The following GALNT9 variants were observed in gnomAD, a reference collection of about 807,000 sequenced individuals.
The protein encoded by GALNT9 is polypeptide N-acetylgalactosaminyltransferase 9.
In GALNT9, 47 loss-of-function variants were observed where a neutral mutation model predicts 63.1. The ratio of observed to expected loss-of-function variants is 0.75; its 90% CI spans 0.59 to 0.95. The LOEUF (loss-of-function observed/expected upper bound fraction) is 0.95, where lower values mean the gene tolerates loss of function less well. Among genes scored for constraint, GALNT9 ranks in the 40% least tolerant of loss-of-function variants. GALNT9 has a pLI of 0.00. For synonymous variants in GALNT9, 396 were observed against 365.7 expected, an observed-to-expected ratio of 1.08 and a Z score of -0.94; for missense variants, 829 against 874.8, an observed-to-expected ratio of 0.95 and a Z score of 0.66.
chr12:132,207,464 G>A (rs1484140093), intron 6 of GALNT9, among the ~76,000 whole-genome samples: 3 of 152,226 alleles, frequency 2.0e-5, no homozygotes, highest in African/African-American at 7.2e-5. Context: ...CTGCTGGGCG[G>A]TCTGCGAGGC....
rs113646987 is a variant in GALNT9 at position 132,271,088 on chromosome 12, G to A, written c.420-8463C>T. Among the ~76,000 whole-genome samples, 15 of 152,284 alleles carry A rather than the reference G, an allele frequency of 9.9e-5. No homozygotes were observed. The East Asian group carries it at 1.2e-3, about 12-fold the overall frequency. On this transcript the variant is annotated intron_variant, in intron 2 of 10. Coordinates refer to ENST00000328957, the MANE Select transcript of GALNT9 (RefSeq NM_001122636.2). ...GCTGCTTCTCCATGACAGACGCTGC[G>A]CCCGTCACTCTGTGCCAGTCCCCCA...
chr12:132,199,151 T>G, intron 9 of GALNT9, 23 bp downstream of exon 9: 1 of 1,518,790 alleles, frequency 6.6e-7, no homozygotes, highest in South Asian at 1.1e-5. Flanking sequence ...GGGAGCTGCA[T>G]GGGTGGCCGC....
intron 1 of GALNT9, among the ~76,000 whole-genome samples, chr12:132,288,968 C>T (rs1247631540): frequency 3.3e-5 from 5 of 152,232 alleles, no homozygotes; most frequent in African/African-American, 4.8e-5. Flanking sequence ...CAATGCCCGG[C>T]GTTCTGAGGT....
At position 132,329,265 on chromosome 12, in the gene GALNT9, G is replaced by T. The variant is rs1319896278; in HGVS notation, c.-62C>A. 15 of 1,505,376 alleles carry T rather than the reference G, an allele frequency of 1.0e-5. No individual in the cohort carries two copies. In the East Asian group the frequency reaches 3.8e-4, roughly 38 times the overall value. The allele number at this position is 1,505,376 out of a possible 1,614,324, so 93.3% of individuals were successfully genotyped here. ...TCCCCAGCATCCCCGCCCGGGCCTG[G>T]GCTTCAGCTTCGGCTTCGGGGACCA... On this transcript the variant is annotated 5_prime_UTR_variant, in exon 1 of 11. Coordinates refer to ENST00000328957, the MANE Select transcript of GALNT9 (RefSeq NM_001122636.2).
At chr12:132,243,232 G>A (rs1555237557) in intron 6 of GALNT9, among the ~76,000 whole-genome samples, 178 of 5,634 alleles carry the variant, frequency 0.032, 1 homozygote, top group African/African-American at 0.067. Flanking sequence ...TTACACACAC[G>A]CCACACCCCC....
chr12:132,257,097 G>A (rs1282616491), intron 5 of GALNT9, among the ~76,000 whole-genome samples: 2 of 152,228 alleles, frequency 1.3e-5, no homozygotes, highest in Non-Finnish European at 2.9e-5. Flanking sequence ...TCCTGCCACA[G>A]CTCAGGGCAT....
At chr12:132,240,030 C>T (rs2136897697) in intron 6 of GALNT9, among the ~76,000 whole-genome samples, 6,365 of 152,256 alleles carry the variant, frequency 0.042, 191 homozygotes, top group East Asian at 0.087. Flanking sequence ...CCAGGCCCGC[C>T]GCTCTAAACA....
At chr12:132,257,970 GC>G in intron 4 of GALNT9, 84 bp from the exon 5 acceptor site, 1 of 928,410 alleles carries the variant, frequency 1.1e-6, no homozygotes, top group Non-Finnish European at 1.6e-6. Flanking sequence ...GGGAGGGGAG[GC>G]CAGTCCCCAC....
chr12:132,286,219 G>T lies in GALNT9; in HGVS notation c.419+31C>A. The stretch of plus-strand genomic sequence containing the variant: ...GGGGGCGGTCACTTCCTCGGCGGGC[G>T]TCGGGGGATGGGGGGCAGTCACTCA... On this transcript the variant is annotated intron_variant, in intron 2 of 10. Coordinates refer to ENST00000328957, the MANE Select transcript of GALNT9 (RefSeq NM_001122636.2). The surrounding 1 kb of genome is among the most constrained non-coding windows in gnomAD (Gnocchi z 7.4). The T allele has an allele frequency of 1.3e-6, 2 of 1,531,996 alleles. No homozygotes were observed. The highest frequency in any genetic ancestry group is 1.4e-5 in the African/African-American group (1 of 72,394). The allele number at this position is 1,531,996 out of a possible 1,614,324, so 94.9% of individuals were successfully genotyped here. A position where few individuals can be genotyped will look rare whatever the true frequency, so the allele number is the denominator to read the frequency against.
At chr12:132,257,473 G>C (rs553638170) in intron 5 of GALNT9, among the ~76,000 whole-genome samples, 1 of 131,658 alleles carries the variant, frequency 7.6e-6, no homozygotes, top group African/African-American at 2.9e-5. Flanking sequence ...TCGTCCCCAC[G>C]CCCTCGTCCC....
chr12:132,271,309 A>G (rs1879857058), intron 2 of GALNT9, among the ~76,000 whole-genome samples: 1 of 152,130 alleles, frequency 6.6e-6, no homozygotes, highest in Non-Finnish European at 1.5e-5. Flanking sequence ...AGGAGAGAGG[A>G]GAACGCTGCC....
intron 6 of GALNT9, chr12:132,247,581 C>G (rs1428272442): frequency 3.8e-6 from 2 of 520,232 alleles, no homozygotes; most frequent in African/African-American, 3.8e-5. Flanking sequence ...CATGGCTGCA[C>G]TCGCCCTCAC....
intron 6 of GALNT9, among the ~76,000 whole-genome samples, chr12:132,243,249 G>GGGGGCCATCA (rs1878520573): frequency 3.4e-5 from 5 of 145,586 alleles, no homozygotes; most frequent in African/African-American, 1.3e-4. Context: ...CCCCTTCCCG[G>GGGGGCCATCA]GGCCCTCCCT....
intron 2 of GALNT9, among the ~76,000 whole-genome samples, chr12:132,268,935 G>A (rs1473629569): frequency 2.0e-5 from 3 of 152,160 alleles, no homozygotes; most frequent in Non-Finnish European, 2.9e-5. Flanking sequence ...GGGTGGGGAC[G>A]GGAGGTGGCG....
In GALNT9 at chr12:132,286,983, C is replaced by A. The variant is rs1024684404; in HGVS notation, c.239-553G>T. Among the ~76,000 whole-genome samples, 2 of 147,926 alleles carry A rather than the reference C, an allele frequency of 1.4e-5. No individual in the cohort carries two copies. Among genetic ancestry groups the A allele is most frequent in the Non-Finnish European group, 3.0e-5 (2 of 67,298 alleles). ...CCTCCCAAAGTGCTGGGATTACAGG[C>A]GTGAGTCACTGCACTGGCCAATACT... On this transcript the variant is annotated intron_variant, in intron 1 of 10. Transcript: ENST00000328957. The surrounding 1 kb of genome is among the most constrained non-coding windows in gnomAD (Gnocchi z 7.4).
At chr12:132,294,163 C>T (rs1880963851) in intron 1 of GALNT9, among the ~76,000 whole-genome samples, 2 of 152,318 alleles carry the variant, frequency 1.3e-5, no homozygotes, top group South Asian at 4.1e-4. Flanking sequence ...GGGGCACAGG[C>T]CCTCCTGGGG....
chr12:132,199,625 C>T (rs1258191514), intron 8 of GALNT9, among the ~76,000 whole-genome samples: 3 of 152,278 alleles, frequency 2.0e-5, no homozygotes, highest in South Asian at 2.1e-4. Context: ...CGCTCGCCAG[C>T]CTTGCAGTCT....
intron 6 of GALNT9, among the ~76,000 whole-genome samples, chr12:132,206,853 A>G (rs1416611650): frequency 6.6e-6 from 1 of 152,158 alleles, no homozygotes; most frequent in African/African-American, 2.4e-5. Flanking sequence ...CTATTTGTCC[A>G]TTAAAAAAAC....
chr12:132,203,762 G>C (rs1025139143), intron 6 of GALNT9, 72 bp from the exon 7 acceptor site: 19 of 1,514,476 alleles, frequency 1.3e-5, no homozygotes, highest in African/African-American at 1.5e-5. Context: ...CTAGGGGCCC[G>C]TGAGAGGCCA....
Sources: gnomAD v4.1 joint callset for allele counts (sites outside exome capture counted in the v4.1 genomes callset) on GRCh38, gnomAD v4.1.1 for gene constraint, Gnocchi (gnomAD v3.1) non-coding constraint, MANE v1.5 for transcripts, NCBI Gene and HGNC (gene_info 2026-07-23, HGNC 2026-07-21) for gene names.